Variants in MYO1C observed in about 807,000 individuals in gnomAD.
MYO1C encodes myosin IC.
Under a neutral mutation model 150.8 loss-of-function variants are expected in MYO1C, and 104 were observed. The observed-to-expected ratio is 0.69, with a 90% confidence interval of 0.59 to 0.81. MYO1C has a LOEUF of 0.81. Ranked by LOEUF, MYO1C falls within the 30% of genes least tolerant of loss-of-function variation. The pLI, the probability that MYO1C is intolerant of heterozygous loss-of-function variation, is 0.00. For synonymous variants in MYO1C, 663 were observed against 579.9 expected (o/e 1.14, Z -2.06); for missense variants, 1,504 against 1,435.0 (o/e 1.05, Z -0.78).
intron 31 of MYO1C, among the ~76,000 whole-genome samples, chr17:1,466,153 CT>C (rs71148490): frequency 1.7e-3 from 159 of 91,598 alleles, no homozygotes; most frequent in South Asian, 7.7e-3. Flanking sequence ...GCCGTGCTGC[CT>C]TTTTTTTTTT....
rs569122991 is a variant in MYO1C, at chr17:1,480,605, G to A, written c.828C>T (p.Ser276=). 1.9e-4 allele frequency: 302 copies of A among 1,614,152 alleles called. 7 individuals are homozygous for A. In the South Asian group the frequency reaches 2.6e-3, roughly 14 times the overall value. Residue 276 remains serine, a synonymous_variant, in exon 7 of 32, where the codon TCC becomes TCT. Coordinates refer to ENST00000648651, the MANE Select transcript of MYO1C (RefSeq NM_001080779.2). ...YLVKGQCAKV[S]SINDKSDWKV... ...TCCAGTCACTCTTGTCGTTGATGGA[G>A]GAGACTTTGGCACACTGGCCCTGGA...
Position 1,467,341 on chromosome 17 carries a change from G to A in MYO1C, c.3066C>T (p.Ser1022=). The part of the protein sequence containing the change: ...RVNSININQG[S]ITFAGGPGRD... ...TGCCGGGGCCCCCTGCAAACGTGATGCTGGGGGAACGGGGTGGGTGAGGGT... is the reference window on the plus strand; with the variant it reads ...TGCCGGGGCCCCCTGCAAACGTGATACTGGGGGAACGGGGTGGGTGAGGGT... The change falls in exon 31 of 32, where the codon AGC becomes AGT. Residue 1022 remains serine, a splice_region_variant and synonymous_variant. Coordinates refer to ENST00000648651, the MANE Select transcript of MYO1C (RefSeq NM_001080779.2). The A allele has an allele frequency of 6.2e-7, 1 of 1,612,272 alleles. No individual in the cohort carries two copies. Among genetic ancestry groups the A allele is most frequent in the Non-Finnish European group, 8.5e-7 (1 of 1,179,344 alleles).
chr17:1,479,421 C>T lies in MYO1C; in HGVS notation c.1092+10G>A, dbSNP rs2074466898. ...CCCCTCCACACCCGAGGGCAAGGGC[C>T]CGGCCTCACCTCCTCCCCCTTGGCG... On this transcript the variant is annotated intron_variant, in intron 9 of 31. Transcript: ENST00000648651. The surrounding 1 kb of genome is among the most constrained non-coding windows in gnomAD (Gnocchi z 4.2). 1.5e-6 allele frequency: 2 copies of T among 1,314,020 alleles called. No homozygotes were observed. Among genetic ancestry groups the T allele is most frequent in the African/African-American group, 1.5e-5 (1 of 68,850 alleles). The allele number at this position is 1,314,020 out of a possible 1,614,324, so 81.4% of individuals were successfully genotyped here.
Position 1,479,516 on chromosome 17 carries a change from G to T in MYO1C, c.1021-14C>A. 1 of 1,514,208 alleles carries T rather than the reference G, an allele frequency of 6.6e-7. No homozygotes were observed. The highest frequency in any genetic ancestry group is 9.0e-7 in the Non-Finnish European group (1 of 1,111,510). The allele number at this position is 1,514,208 out of a possible 1,614,324, so 93.8% of individuals were successfully genotyped here. A position where few individuals can be genotyped will look rare whatever the true frequency, so the allele number is the denominator to read the frequency against. ...CACGCTGAGGAGCTGCCAAGGGCAG[G>T]CGAGGACACGGTGAGGGTGCACCCC... On this transcript the variant is annotated splice_polypyrimidine_tract_variant and intron_variant, in intron 8 of 31. Coordinates refer to ENST00000648651, the MANE Select transcript of MYO1C (RefSeq NM_001080779.2). The surrounding 1 kb of genome is among the most constrained non-coding windows in gnomAD (Gnocchi z 4.2).
In MYO1C at chr17:1,479,424, G is replaced by A; in HGVS notation, c.1092+7C>T. 3.7e-6 allele frequency: 5 copies of A among 1,342,956 alleles called. No homozygotes were observed. Among genetic ancestry groups the A allele is most frequent in the Non-Finnish European group, 5.2e-6 (5 of 963,018 alleles). 83.2% of individuals were successfully genotyped at this position (1,342,956 alleles called of 1,614,324 possible). A position where few individuals can be genotyped will look rare whatever the true frequency, so the allele number is the denominator to read the frequency against. Reference sequence around the variant, plus strand: ...CTCCACACCCGAGGGCAAGGGCCCGGCCTCACCTCCTCCCCCTTGGCGATG... The same window carrying A: ...CTCCACACCCGAGGGCAAGGGCCCGACCTCACCTCCTCCCCCTTGGCGATG... On this transcript the variant is annotated splice_region_variant and intron_variant, in intron 9 of 31. Coordinates refer to ENST00000648651, the MANE Select transcript of MYO1C (RefSeq NM_001080779.2). This position sits in a 1 kb window ranked among gnomAD's most constrained non-coding sequence, Gnocchi z 4.2.
chr17:1,465,620 G>T lies in MYO1C; in HGVS notation c.*106C>A. 1 of 1,177,110 alleles carries T rather than the reference G, an allele frequency of 8.5e-7. No individual in the cohort carries two copies. Among genetic ancestry groups the T allele is most frequent in the Non-Finnish European group, 1.1e-6 (1 of 892,620 alleles). The allele number at this position is 1,177,110 out of a possible 1,614,324, so 72.9% of individuals were successfully genotyped here. A position where few individuals can be genotyped will look rare whatever the true frequency, so the allele number is the denominator to read the frequency against. Reference sequence around the variant, plus strand: ...GTGGGAGATTGCAGGTGGGCTTCGGGGTGTCCCTGGGTCCCTGTCTGGAAG... The same window carrying T: ...GTGGGAGATTGCAGGTGGGCTTCGGTGTGTCCCTGGGTCCCTGTCTGGAAG... On this transcript the variant is annotated 3_prime_UTR_variant, in exon 32 of 32. Transcript: ENST00000648651.
chr17:1,474,414 C>T (rs563069362), intron 17 of MYO1C, among the ~76,000 whole-genome samples, 196 bp downstream of exon 17: 37 of 135,840 alleles, frequency 2.7e-4, no homozygotes, highest in Non-Finnish European at 5.2e-4. Context: ...GGCAACAGAG[C>T]GAGACCCTGT....
chr17:1,470,948 G>C (rs1246533115), intron 21 of MYO1C, 123 bp downstream of exon 21: 3 of 1,141,962 alleles, frequency 2.6e-6, no homozygotes, highest in Admixed American at 2.0e-5. Context: ...ACTCCCTGGA[G>C]CTGGGCGTGG....
intron 31 of MYO1C, among the ~76,000 whole-genome samples, chr17:1,466,557 A>G (rs1469864158): frequency 6.7e-6 from 1 of 149,926 alleles, no homozygotes; most frequent in African/African-American, 2.5e-5. Flanking sequence ...CGAACTCCCA[A>G]CCTCAGGTGA....
Position 1,482,516 on chromosome 17 carries a change from T to C in MYO1C, c.589A>G (p.Arg197Gly). ...TGCACATCCATGTACTTCCCGAACCTGCTGGAGTTATCGTTCCGGAGGGTC... is the reference window on the plus strand; with the variant it reads ...TGCACATCCATGTACTTCCCGAACCCGCTGGAGTTATCGTTCCGGAGGGTC... ...AKTLRNDNSSRFGKYMDVQFD... is the reference protein window; with the variant it reads ...AKTLRNDNSSGFGKYMDVQFD... Residue 197 changes from arginine (R) to glycine (G), a missense_variant, in exon 5 of 32, where the codon AGG (arginine) becomes GGG (glycine). Arg to Gly is a moderately radical substitution (Grantham distance 125, BLOSUM62 -2). Coordinates refer to ENST00000648651, the MANE Select transcript of MYO1C (RefSeq NM_001080779.2). 1 of 1,614,102 alleles carries C rather than the reference T, an allele frequency of 6.2e-7. No individual in the cohort carries two copies. Among genetic ancestry groups the C allele is most frequent in the Non-Finnish European group, 8.5e-7 (1 of 1,179,984 alleles).
rs776732100 is a variant in MYO1C, at chr17:1,468,290, G to A, written c.2723C>T (p.Pro908Leu). 2 of 1,613,828 alleles carry A rather than the reference G, an allele frequency of 1.2e-6. No homozygotes were observed. The highest frequency in any genetic ancestry group is 1.7e-6 in the Non-Finnish European group (2 of 1,180,022). Residue 908 changes from proline (P) to leucine (L), a missense_variant, in exon 27 of 32, where the codon CCC becomes CTC. By Grantham distance (98) the Pro-to-Leu change is moderately conservative. Transcript: ENST00000648651. ...AGAGCCCAAGGCCTGCAGCACTCGG[G>A]GGCTGATCTCATCTGTACCTGCAAC... is the stretch of plus-strand genomic sequence containing the variant. ...STRLGTDEIS[P>L]RVLQALGSEP...
chr17:1,469,675 C>T (rs1336517112), intron 24 of MYO1C, 61 bp from the exon 25 acceptor site: 2 of 1,331,296 alleles, frequency 1.5e-6, no homozygotes, highest in African/African-American at 1.5e-5. Flanking sequence ...CTGAAGACAT[C>T]GAACATATGC....
At chr17:1,467,422 T>G in intron 30 of MYO1C, 58 bp downstream of exon 30, 1 of 1,594,028 alleles carries the variant, frequency 6.3e-7, no homozygotes, top group Non-Finnish European at 8.6e-7. Flanking sequence ...TGTCCCTGGG[T>G]GCCCACACAG....
rs1046798995 is a variant in MYO1C at position 1,479,781 on chromosome 17, T to C, written c.907-76A>G. 1.0e-5 allele frequency: 10 copies of C among 997,128 alleles called. No homozygotes were observed. The highest frequency in any genetic ancestry group is 6.4e-5 in the African/African-American group (4 of 62,600). 61.8% of individuals were successfully genotyped at this position (997,128 alleles called of 1,614,324 possible). A position where few individuals can be genotyped will look rare whatever the true frequency, so the allele number is the denominator to read the frequency against. On this transcript the variant is annotated intron_variant, in intron 7 of 31. Transcript: ENST00000648651. This position sits in a 1 kb window ranked among gnomAD's most constrained non-coding sequence, Gnocchi z 4.2. ...CAAGAGGGCAACTAGCAGATGGCCA[T>C]GCAGGGGTGGGTGGTGAAGTGTCGG...
intron 1 of MYO1C, among the ~76,000 whole-genome samples, chr17:1,488,848 C>G (rs1257044587): frequency 6.6e-6 from 1 of 152,218 alleles, no homozygotes; most frequent in Non-Finnish European, 1.5e-5. Context: ...TCTGGGTCTT[C>G]TCCCACCTGG....
chr17:1,466,846 C>G (rs956263648), intron 31 of MYO1C, among the ~76,000 whole-genome samples: 3 of 152,008 alleles, frequency 2.0e-5, no homozygotes, highest in Admixed American at 1.3e-4. Context: ...AGGCTGGTCT[C>G]GAACTCCTGA....
intron 17 of MYO1C, 89 bp downstream of exon 17, chr17:1,474,521 C>T: frequency 7.3e-7 from 1 of 1,377,670 alleles, no homozygotes; most frequent in Non-Finnish European, 1.0e-6. Flanking sequence ...CACGCGTTCA[C>T]ACGCACGCTG....
At position 1,484,262 on chromosome 17, in the gene MYO1C, C is replaced by T. The variant is rs200647341; in HGVS notation, c.117G>A (p.Ala39=). 95 of 1,612,024 alleles carry T rather than the reference C, an allele frequency of 5.9e-5. No homozygotes were observed. Among genetic ancestry groups the T allele is most frequent in the Non-Finnish European group, 7.4e-5 (87 of 1,180,026 alleles). The change falls in exon 2 of 32, where the codon GCG becomes GCA. Residue 39 remains alanine (A), a synonymous_variant. Transcript: ENST00000648651. ...SDGVRVTMES[A]LTARDRVGVQ... ...CCCCCACCCGGTCACGGGCGGTGAG[C>T]GCACTCTCCATGGTCACCCGAACCC...
chr17:1,484,914 G>A (rs953030430), intron 1 of MYO1C: 3 of 441,240 alleles, frequency 6.8e-6, no homozygotes, highest in South Asian at 1.6e-5. Flanking sequence ...AGAGCGTCGA[G>A]CACCAAGCAA....
Sources: allele counts gnomAD v4.1 joint callset (sites outside exome capture counted in the v4.1 genomes callset), GRCh38; gene constraint gnomAD v4.1.1; non-coding constraint Gnocchi (gnomAD v3.1); transcripts MANE v1.5; gene names NCBI Gene and HGNC (gene_info 2026-07-23, HGNC 2026-07-21).